Variants in COL25A1 observed in about 807,000 individuals in gnomAD.
COL25A1 encodes the protein collagen alpha-1(XXV) chain.
A neutral mutation model predicts 128.4 loss-of-function variants in COL25A1; 103 were observed. That is an observed-to-expected ratio of 0.80 (90% CI 0.68 to 0.94). COL25A1 has a LOEUF of 0.94. Among genes scored for constraint, COL25A1 ranks in the 40% least tolerant of loss-of-function variants. The pLI is 0.00. For synonymous variants in COL25A1, 279 were observed against 277.2 expected (o/e 1.01, Z -0.06); for missense variants, 745 against 840.0 (o/e 0.89, Z 1.40).
chr4:109,290,760 GA>G (rs1354641063), intron 3 of COL25A1, among the ~76,000 whole-genome samples: 2 of 151,314 alleles, frequency 1.3e-5, no homozygotes, highest in African/African-American at 2.4e-5. Flanking sequence ...TAGCCAATGA[GA>G]AAAAAAAATT....
At chr4:109,099,270 G>A (rs2126019671) in intron 3 of COL25A1, among the ~76,000 whole-genome samples, 1 of 152,000 alleles carries the variant, frequency 6.6e-6, no homozygotes, top group Non-Finnish European at 1.5e-5. Flanking sequence ...CAACAAATAA[G>A]AAATGAGAAA....
At chr4:108,898,013 G>C (rs1160404957) in intron 15 of COL25A1, among the ~76,000 whole-genome samples, 2 of 152,046 alleles carry the variant, frequency 1.3e-5, no homozygotes, top group African/African-American at 4.8e-5. Flanking sequence ...ATTAATTTCA[G>C]GTTAATTACC....
chr4:109,240,903 T>C (rs2126231053), intron 3 of COL25A1, among the ~76,000 whole-genome samples: 1 of 151,560 alleles, frequency 6.6e-6, no homozygotes, highest in East Asian at 2.0e-4. Context: ...TCCCATATTA[T>C]AGTATAAATC....
Position 109,098,687 on chromosome 4 carries a change from G to T in COL25A1, c.368-48508C>A, listed in dbSNP as rs181967230. On this transcript the variant is annotated intron_variant, in intron 3 of 37. Transcript: ENST00000399132. ...TAGTATTCTTTACTCAGTTTAACCA[G>T]TTGTACTGTCTGGGTCAAATAATTT... is the stretch of plus-strand genomic sequence containing the variant. Among the ~76,000 whole-genome samples, 308 of 152,220 alleles carry T rather than the reference G, an allele frequency of 2.0e-3. 2 individuals carry two copies. Among genetic ancestry groups the T allele is most frequent in the Middle Eastern group, 6.8e-3 (2 of 294 alleles).
At chr4:109,251,166 C>A (rs1780621758) in intron 3 of COL25A1, among the ~76,000 whole-genome samples, 1 of 152,004 alleles carries the variant, frequency 6.6e-6, no homozygotes, top group Admixed American at 6.5e-5. Context: ...CACACACATA[C>A]ACACACAAAC....
intron 3 of COL25A1, among the ~76,000 whole-genome samples, chr4:109,230,871 C>A (rs987003568): frequency 3.9e-5 from 6 of 152,104 alleles, no homozygotes; most frequent in Non-Finnish European, 5.9e-5. Context: ...CCGGGCGCAG[C>A]GGCTCACGCC....
chr4:109,254,505 A>G lies in COL25A1; in HGVS notation c.367+46078T>C, dbSNP rs112103068. On this transcript the variant is annotated intron_variant, in intron 3 of 37. Coordinates refer to ENST00000399132, the MANE Select transcript of COL25A1 (RefSeq NM_198721.4). ...TATATATATATATATATATATATAT[A>G]TGTATGTGTGTATATACATATACAT... is the stretch of plus-strand genomic sequence containing the variant. Among the ~76,000 whole-genome samples the G allele has an allele frequency of 8.7e-3, 917 of 105,008 alleles. 66 individuals carry two copies. The highest frequency in any genetic ancestry group is 0.07 in the South Asian group (248 of 3,534). The allele number at this position is 105,008 out of a possible 152,430, so 68.9% of individuals were successfully genotyped here.
At chr4:109,031,348 C>A (rs376886859) in intron 5 of COL25A1, among the ~76,000 whole-genome samples, 5 of 152,068 alleles carry the variant, frequency 3.3e-5, no homozygotes, top group African/African-American at 9.7e-5. Flanking sequence ...GATCTTCTGA[C>A]CTCGTGATCC....
chr4:108,921,751 C>T (rs12639857), intron 11 of COL25A1, among the ~76,000 whole-genome samples: 72,331 of 152,004 alleles, frequency 0.48, 19,921 homozygotes, highest in East Asian at 0.93. Flanking sequence ...ATATAATCAG[C>T]TTTAGGTTAT....
intron 3 of COL25A1, among the ~76,000 whole-genome samples, chr4:109,214,215 A>C (rs1777807333): frequency 6.6e-6 from 1 of 152,112 alleles, no homozygotes; most frequent in Non-Finnish European, 1.5e-5. Context: ...ATTTAACCTC[A>C]AACAAATTAA....
At chr4:109,122,952 CT>C in intron 3 of COL25A1, among the ~76,000 whole-genome samples, 1 of 152,144 alleles carries the variant, frequency 6.6e-6, no homozygotes, top group East Asian at 1.9e-4. Context: ...GGGGACTGTG[CT>C]GTTCAGCACT....
intron 5 of COL25A1, among the ~76,000 whole-genome samples, chr4:109,046,761 G>A (rs965101817): frequency 2.0e-5 from 3 of 152,168 alleles, no homozygotes; most frequent in African/African-American, 7.2e-5. Flanking sequence ...ATAAGTACAC[G>A]CTAAGCCCCT....
intron 8 of COL25A1, among the ~76,000 whole-genome samples, chr4:108,949,621 C>T (rs376939408): frequency 6.6e-6 from 1 of 151,990 alleles, no homozygotes; most frequent in Non-Finnish European, 1.5e-5. Context: ...GCAACCTCTA[C>T]CTCCTGGGTT....
At chr4:109,008,846 T>C (rs568924872) in intron 6 of COL25A1, among the ~76,000 whole-genome samples, 1 of 152,248 alleles carries the variant, frequency 6.6e-6, no homozygotes, top group Admixed American at 6.5e-5. Flanking sequence ...CTGAGTACGG[T>C]GGCTTATGCC....
At chr4:109,252,648 C>T (rs910991918) in intron 3 of COL25A1, among the ~76,000 whole-genome samples, 7 of 152,206 alleles carry the variant, frequency 4.6e-5, no homozygotes, top group African/African-American at 1.7e-4. Flanking sequence ...CCAATCAGTT[C>T]CTTCCAAGTC....
In COL25A1 at chr4:108,937,836, G is replaced by C. The variant is rs200818856; in HGVS notation, c.680C>G (p.Pro227Arg). 3 of 1,606,694 alleles carry C rather than the reference G, an allele frequency of 1.9e-6. No individual in the cohort carries two copies. Among genetic ancestry groups the C allele is most frequent in the Non-Finnish European group, 2.5e-6 (3 of 1,176,860 alleles). ...CAAGCCTTGTTCTCCTGGCTTTCCT[G>C]GTTCACCCTTAAAAAAGAATAGTGA... Reference protein sequence around the residue: ...PRGMPGVPGEPGKPGEQGLMG... With the variant: ...PRGMPGVPGERGKPGEQGLMG... Residue 227 changes from proline to arginine, a missense_variant, in exon 11 of 38, where the codon CCA becomes CGA. Coordinates refer to ENST00000399132, the MANE Select transcript of COL25A1 (RefSeq NM_198721.4).
At chr4:109,296,298 T>C (rs1421020375) in intron 3 of COL25A1, among the ~76,000 whole-genome samples, 1 of 152,092 alleles carries the variant, frequency 6.6e-6, no homozygotes, top group East Asian at 1.9e-4. Context: ...AATTATACTT[T>C]TTTCTTTATT....
intron 35 of COL25A1, chr4:108,819,971 T>C (rs1403776469): frequency 1.4e-6 from 1 of 718,830 alleles, no homozygotes; most frequent in Non-Finnish European, 1.9e-6. Context: ...AAAGATGGTT[T>C]AGGTAAGAAA....
At chr4:109,198,608 C>T (rs544248978) in intron 3 of COL25A1, among the ~76,000 whole-genome samples, 96 of 152,220 alleles carry the variant, frequency 6.3e-4, no homozygotes, top group Admixed American at 1.3e-3. Context: ...AGCAATAACA[C>T]CCTGATTGCA....
Sources: allele counts gnomAD v4.1 joint callset (sites outside exome capture counted in the v4.1 genomes callset), GRCh38; gene constraint gnomAD v4.1.1; transcripts MANE v1.5; gene names NCBI Gene and HGNC (gene_info 2026-07-23, HGNC 2026-07-21).